The following TBC1D22A variants were observed in gnomAD, a reference collection of about 807,000 sequenced individuals.
The protein encoded by TBC1D22A is TBC1 domain family member 22A, also known as putative GTPase activator.
Under a neutral mutation model 60.2 loss-of-function variants are expected in TBC1D22A, and 38 were observed. The ratio of observed to expected loss-of-function variants is 0.63; its 90% CI spans 0.49 to 0.83. The LOEUF (loss-of-function observed/expected upper bound fraction) is 0.83. TBC1D22A is among the 40% of genes least tolerant of loss of function. The pLI, the probability that TBC1D22A is intolerant of heterozygous loss-of-function variation, is 0.00. For synonymous variants in TBC1D22A, 302 were observed against 281.7 expected (o/e 1.07, Z -0.72); for missense variants, 628 against 701.0 (o/e 0.90, Z 1.18).
chr22:46,919,067 G>C (rs908008802), intron 8 of TBC1D22A, among the ~76,000 whole-genome samples: 1 of 152,182 alleles, frequency 6.6e-6, no homozygotes, highest in Non-Finnish European at 1.5e-5. Context: ...AGAATATTTA[G>C]AGTAGTGTAA....
At chr22:47,100,106 G>A (rs903965684) in intron 11 of TBC1D22A, among the ~76,000 whole-genome samples, 1 of 152,208 alleles carries the variant, frequency 6.6e-6, no homozygotes, top group East Asian at 1.9e-4. Context: ...ACCCAGCTGG[G>A]TGGCTTCCAG....
chr22:47,166,584 G>A (rs377026648), intron 12 of TBC1D22A, among the ~76,000 whole-genome samples: 5 of 152,194 alleles, frequency 3.3e-5, no homozygotes, highest in African/African-American at 7.2e-5. Flanking sequence ...GTTCCATTAC[G>A]CTTCTCTGCA....
chr22:46,946,197 G>T (rs1003404111), intron 8 of TBC1D22A, among the ~76,000 whole-genome samples: 1 of 152,244 alleles, frequency 6.6e-6, no homozygotes, highest in Non-Finnish European at 1.5e-5. Flanking sequence ...CACCGTAGGA[G>T]CTGCTGGCCT....
chr22:47,087,990 G>A (rs1265830847), intron 11 of TBC1D22A, among the ~76,000 whole-genome samples: 1 of 152,098 alleles, frequency 6.6e-6, no homozygotes, highest in Non-Finnish European at 1.5e-5. Flanking sequence ...GGAGAATGGC[G>A]AGAACCCGGG....
chr22:47,109,589 A>C (rs1346285970), intron 11 of TBC1D22A, among the ~76,000 whole-genome samples: 1 of 152,092 alleles, frequency 6.6e-6, no homozygotes, highest in African/African-American at 2.4e-5. Context: ...AGGATCCCCA[A>C]GTGTCTTAAA....
intron 1 of TBC1D22A, among the ~76,000 whole-genome samples, chr22:46,783,286 G>C (rs2084019221): frequency 6.6e-6 from 1 of 152,196 alleles, no homozygotes. Context: ...GTGCCCCCAG[G>C]AGTCCTCCAT....
chr22:47,002,876 T>G (rs546128113), intron 10 of TBC1D22A, among the ~76,000 whole-genome samples: 1 of 152,298 alleles, frequency 6.6e-6, no homozygotes, highest in Admixed American at 6.5e-5. Flanking sequence ...TAAGCTGATC[T>G]GAACTTAGCT....
intron 4 of TBC1D22A, among the ~76,000 whole-genome samples, chr22:46,862,524 C>T (rs1052989063): frequency 6.6e-6 from 1 of 152,196 alleles, no homozygotes; most frequent in African/African-American, 2.4e-5. Context: ...AAATGGCTCC[C>T]GAGGCCATTC....
At chr22:47,086,240 G>A (rs867190012) in intron 11 of TBC1D22A, among the ~76,000 whole-genome samples, 7 of 152,168 alleles carry the variant, frequency 4.6e-5, no homozygotes, top group South Asian at 4.1e-4. Context: ...TGAGGTGGGC[G>A]GATCATCTGA....
At chr22:47,151,450 G>A (rs1232343458) in intron 12 of TBC1D22A, among the ~76,000 whole-genome samples, 2 of 152,246 alleles carry the variant, frequency 1.3e-5, no homozygotes, top group African/African-American at 4.8e-5. Context: ...TATATTACAA[G>A]GAAAAAGATC....
intron 8 of TBC1D22A, among the ~76,000 whole-genome samples, chr22:46,928,858 C>T (rs1038528610): frequency 7.9e-5 from 12 of 152,084 alleles, no homozygotes; most frequent in South Asian, 4.1e-4. Flanking sequence ...AGTGTGGTAC[C>T]GCTTCACATC....
intron 8 of TBC1D22A, among the ~76,000 whole-genome samples, chr22:46,956,876 T>C (rs956025205): frequency 1.3e-5 from 2 of 152,356 alleles, no homozygotes; most frequent in South Asian, 2.1e-4. Flanking sequence ...GGGATTTACA[T>C]GTTTTTTGTG....
chr22:46,913,841 G>T, intron 8 of TBC1D22A: 2 of 855,162 alleles, frequency 2.3e-6, no homozygotes, highest in Non-Finnish European at 2.8e-6. Context: ...TAATGCATTT[G>T]CCTGATTATC....
chr22:46,807,490 C>T (rs772416633), intron 4 of TBC1D22A, among the ~76,000 whole-genome samples: 7 of 152,130 alleles, frequency 4.6e-5, no homozygotes, highest in East Asian at 3.9e-4. Context: ...CACATGCATG[C>T]GTCTGTGTGA....
At chr22:46,864,346 C>T (rs957916937) in intron 4 of TBC1D22A, among the ~76,000 whole-genome samples, 3 of 152,198 alleles carry the variant, frequency 2.0e-5, no homozygotes, top group African/African-American at 4.8e-5. Context: ...TCCCTTGCTG[C>T]GGTTTGGGCT....
chr22:47,085,203 C>G (rs1408652475), intron 11 of TBC1D22A, among the ~76,000 whole-genome samples: 1 of 152,258 alleles, frequency 6.6e-6, no homozygotes, highest in South Asian at 2.1e-4. Flanking sequence ...TTGCTTGAAC[C>G]CAGGAGGCGG....
At chr22:47,062,917 T>C (rs4519642) in intron 11 of TBC1D22A, among the ~76,000 whole-genome samples, 71,497 of 126,754 alleles carry the variant, frequency 0.56, 17,530 homozygotes, top group East Asian at 0.67. Context: ...CAGGCCACCA[T>C]GTGCAACGAG....
At chr22:46,835,788 A>G (rs138699311) in intron 4 of TBC1D22A, among the ~76,000 whole-genome samples, 315 of 152,348 alleles carry the variant, frequency 2.1e-3, no homozygotes, top group African/African-American at 7.3e-3. Flanking sequence ...ACACAATATA[A>G]TTAAACTGTC....
chr22:46,953,114 A>G (rs987980843), intron 8 of TBC1D22A, among the ~76,000 whole-genome samples: 2 of 151,476 alleles, frequency 1.3e-5, no homozygotes, highest in Admixed American at 1.3e-4. Context: ...GAGCATGTTC[A>G]GAAATTATTT....
Sources: gnomAD v4.1 joint callset for allele counts (sites outside exome capture counted in the v4.1 genomes callset) on GRCh38, gnomAD v4.1.1 for gene constraint, MANE v1.5 for transcripts, NCBI Gene and HGNC (gene_info 2026-07-23, HGNC 2026-07-21) for gene names.